Variants in ANKFY1 observed in about 807,000 individuals in gnomAD.
The protein encoded by ANKFY1 is ankyrin repeat and FYVE domain-containing protein 1.
In ANKFY1, 47 loss-of-function variants were observed where a neutral mutation model predicts 128.3. That is an observed-to-expected ratio of 0.37 (90% CI 0.29 to 0.47). ANKFY1 has a LOEUF of 0.47. ANKFY1 is among the 20% of genes least tolerant of loss of function. The pLI is 1.00. For synonymous variants in ANKFY1, 553 were observed against 601.6 expected (o/e 0.92, Z 1.18); for missense variants, 1,222 against 1,510.6 (o/e 0.81, Z 3.17).
At chr17:4,202,446 C>A (rs1210603274) in intron 7 of ANKFY1, among the ~76,000 whole-genome samples, 1 of 150,338 alleles carries the variant, frequency 6.7e-6, no homozygotes, top group East Asian at 2.0e-4. Context: ...CGCCTGTAAT[C>A]CCATCACTTT....
At chr17:4,240,685 C>A (rs1017780925) in intron 2 of ANKFY1, among the ~76,000 whole-genome samples, 6 of 152,232 alleles carry the variant, frequency 3.9e-5, no homozygotes, top group African/African-American at 1.4e-4. Flanking sequence ...CGCCACTGCG[C>A]CCAGGCACAT....
chr17:4,257,509 T>G (rs1373977194), intron 1 of ANKFY1, among the ~76,000 whole-genome samples: 1 of 152,156 alleles, frequency 6.6e-6, no homozygotes, highest in Non-Finnish European at 1.5e-5. Context: ...CAGTGACCTC[T>G]CCTCAATCTC....
At chr17:4,223,727 G>A in intron 3 of ANKFY1, 1 of 1,587,078 alleles carries the variant, frequency 6.3e-7, no homozygotes, top group Non-Finnish European at 8.7e-7. Flanking sequence ...ACCATTTGCT[G>A]TGATGGCCTG....
chr17:4,187,545 G>A, intron 11 of ANKFY1: 1 of 349,424 alleles, frequency 2.9e-6, no homozygotes. Context: ...CTGGTCTCCA[G>A]TGCTTTCAAG....
Position 4,181,505 on chromosome 17 carries a change from C to T in ANKFY1, c.2122-133G>A. 1.5e-6 allele frequency: 1 copy of T among 670,808 alleles called. No individual in the cohort carries two copies. Among genetic ancestry groups the T allele is most frequent in the South Asian group, 1.8e-5 (1 of 55,364 alleles). 41.6% of individuals were successfully genotyped at this position (670,808 alleles called of 1,614,324 possible). On this transcript the variant is annotated intron_variant, in intron 15 of 24. Coordinates refer to ENST00000341657, the MANE Select transcript of ANKFY1 (RefSeq NM_001330063.2). The surrounding 1 kb of genome is among the most constrained non-coding windows in gnomAD (Gnocchi z 4.9). The stretch of plus-strand genomic sequence containing the variant: ...ACGGTTGATAATAAATTGATAATTA[C>T]TTTAATCTGTATCACTCATTATTTT...
chr17:4,234,068 C>T (rs79633250), intron 3 of ANKFY1, among the ~76,000 whole-genome samples: 7,918 of 152,190 alleles, frequency 0.052, 447 homozygotes, highest in African/African-American at 0.14. Context: ...CTGCCTATGG[C>T]ATTCAGCACA....
intron 19 of ANKFY1, among the ~76,000 whole-genome samples, chr17:4,176,047 G>A (rs903883552): frequency 1.3e-5 from 2 of 152,096 alleles, no homozygotes; most frequent in East Asian, 1.9e-4. Flanking sequence ...ACCCAGCTCC[G>A]CCTCCTTGGC....
intron 19 of ANKFY1, among the ~76,000 whole-genome samples, chr17:4,175,363 A>G (rs535162279): frequency 6.6e-6 from 1 of 152,110 alleles, no homozygotes; most frequent in South Asian, 2.1e-4. Context: ...AAAAGAAAGA[A>G]AAAAAGGGAC....
chr17:4,256,916 G>A (rs1968161287), intron 1 of ANKFY1, among the ~76,000 whole-genome samples: 1 of 152,156 alleles, frequency 6.6e-6, no homozygotes, highest in East Asian at 1.9e-4. Context: ...TGACAATTGG[G>A]CTGGTTTCAT....
Position 4,166,206 on chromosome 17 carries a change from G to C in ANKFY1, c.*1573C>G, listed in dbSNP as rs1368230641. Reference sequence around the variant, plus strand: ...CAGCTCATTTTACACACATATTTAGGCAACAGAATGTATAAATCTACCGCA... The same window carrying C: ...CAGCTCATTTTACACACATATTTAGCCAACAGAATGTATAAATCTACCGCA... On this transcript the variant is annotated 3_prime_UTR_variant, in exon 25 of 25. Coordinates refer to ENST00000341657, the MANE Select transcript of ANKFY1 (RefSeq NM_001330063.2). 6.6e-6 allele frequency: 1 copy of C among 151,984 alleles called. No homozygotes were observed. Among genetic ancestry groups the C allele is most frequent in the African/African-American group, 2.4e-5 (1 of 41,340 alleles). 9.4% of individuals were successfully genotyped at this position (151,984 alleles called of 1,614,324 possible).
rs2059533032 is a variant in ANKFY1, at chr17:4,182,448, A to C, written c.1953-99T>G. ...CCAGAGTCCAGAATCTTCTGTCTCTAATCATATTCACTCACAATCATTCAA... is the reference window on the plus strand; with the variant it reads ...CCAGAGTCCAGAATCTTCTGTCTCTCATCATATTCACTCACAATCATTCAA... On this transcript the variant is annotated intron_variant, in intron 14 of 24. Transcript: ENST00000341657. The C allele has an allele frequency of 4.5e-6, 4 of 891,236 alleles. No individual in the cohort carries two copies. In the East Asian group the frequency reaches 1.1e-4, roughly 25 times the overall value. 55.2% of individuals were successfully genotyped at this position (891,236 alleles called of 1,614,324 possible). A position where few individuals can be genotyped will look rare whatever the true frequency, so the allele number is the denominator to read the frequency against.
Position 4,189,406 on chromosome 17 carries a change from G to C in ANKFY1, c.1446C>G (p.Ala482=), listed in dbSNP as rs1015759857. The stretch of plus-strand genomic sequence containing the variant: ...CCCACTTGTTTCTGTGGTTGACATG[G>C]GCACCGTTGGTTGCCAGGAAAAGAG... ...AAALFLATNG[A]HVNHRNKWGE... The change falls in exon 11 of 25, where the codon GCC becomes GCG. Residue 482 remains alanine (A), a synonymous_variant. Coordinates refer to ENST00000341657, the MANE Select transcript of ANKFY1 (RefSeq NM_001330063.2). The C allele has an allele frequency of 6.3e-7, 1 of 1,588,452 alleles. No individual in the cohort carries two copies. Among genetic ancestry groups the C allele is most frequent in the Non-Finnish European group, 8.6e-7 (1 of 1,164,540 alleles).
chr17:4,179,700 C>T (rs757329676), intron 17 of ANKFY1, 21 bp downstream of exon 17: 26 of 1,611,462 alleles, frequency 1.6e-5, no homozygotes, highest in African/African-American at 5.3e-5. Flanking sequence ...CCTCTCTCCC[C>T]GGAAAAGAGA....
intron 15 of ANKFY1, 74 bp downstream of exon 15, chr17:4,182,107 C>T (rs983961070): frequency 6.0e-6 from 8 of 1,327,498 alleles, no homozygotes; most frequent in South Asian, 2.5e-5. Context: ...GTGACAGCTA[C>T]GCAGGCAGCA....
chr17:4,187,463 C>A, intron 11 of ANKFY1: 1 of 390,894 alleles, frequency 2.6e-6, no homozygotes, highest in Non-Finnish European at 4.5e-6. Context: ...CCAAAACCCT[C>A]CAATGGCTCT....
intron 2 of ANKFY1, among the ~76,000 whole-genome samples, chr17:4,240,398 A>AT (rs149346704): frequency 0.04 from 5,627 of 139,480 alleles, 356 homozygotes; most frequent in African/African-American, 0.14. Flanking sequence ...TTATTTATTT[A>AT]TTTATTTTTT....
chr17:4,218,978 C>T (rs1167022866), intron 3 of ANKFY1, among the ~76,000 whole-genome samples: 1 of 152,138 alleles, frequency 6.6e-6, no homozygotes, highest in Non-Finnish European at 1.5e-5. Context: ...ACACTACACA[C>T]TACACACATA....
At chr17:4,240,255 G>A (rs1411310847) in intron 2 of ANKFY1, among the ~76,000 whole-genome samples, 10 of 151,286 alleles carry the variant, frequency 6.6e-5, no homozygotes, top group Admixed American at 2.6e-4. Flanking sequence ...TAGTAGAAAC[G>A]GGGTTTCACC....
intron 1 of ANKFY1, among the ~76,000 whole-genome samples, chr17:4,263,297 G>C (rs1968520731): frequency 6.6e-6 from 1 of 152,344 alleles, no homozygotes; most frequent in South Asian, 2.1e-4. Context: ...ACAGAGGTCT[G>C]GTTTGAGCAG....
Sources: allele counts gnomAD v4.1 joint callset (sites outside exome capture counted in the v4.1 genomes callset), GRCh38; gene constraint gnomAD v4.1.1; non-coding constraint Gnocchi (gnomAD v3.1); transcripts MANE v1.5; gene names NCBI Gene and HGNC (gene_info 2026-07-23, HGNC 2026-07-21).